GRIN2B: variants seen among roughly 807,000 people sequenced by gnomAD.
The protein encoded by GRIN2B is glutamate ionotropic receptor NMDA type subunit 2B, also known as glutamate receptor ionotropic, NMDA 2B.
Under a neutral mutation model 114.5 loss-of-function variants are expected in GRIN2B, and 5 were observed. The ratio of observed to expected loss-of-function variants is 0.04; its 90% CI spans 0.02 to 0.09. The LOEUF (loss-of-function observed/expected upper bound fraction) is 0.09, where lower values mean the gene tolerates loss of function less well. Among genes scored for constraint, GRIN2B ranks in the 10% least tolerant of loss-of-function variants. The pLI is 1.00. For synonymous variants in GRIN2B, 787 were observed against 745.1 expected, an observed-to-expected ratio of 1.06 and a Z score of -0.92; for missense variants, 1,108 against 1,943.5, an observed-to-expected ratio of 0.57 and a Z score of 8.08.
chr12:13,629,492 CA>C (rs1248349349), intron 5 of GRIN2B, among the ~76,000 whole-genome samples: 35 of 152,306 alleles, frequency 2.3e-4, no homozygotes, highest in African/African-American at 8.2e-4. Flanking sequence ...CTCTAAACTG[CA>C]CATCTGACTG....
chr12:13,833,183 G>C (rs1865184903), intron 3 of GRIN2B, among the ~76,000 whole-genome samples: 1 of 152,208 alleles, frequency 6.6e-6, no homozygotes, highest in Non-Finnish European at 1.5e-5. Flanking sequence ...AGTAGACAGA[G>C]GATGTAGACT....
intron 3 of GRIN2B, among the ~76,000 whole-genome samples, chr12:13,826,094 A>T (rs1865030869): frequency 6.6e-6 from 1 of 150,890 alleles, no homozygotes; most frequent in East Asian, 1.9e-4. Context: ...CACCATTATT[A>T]GCTATACTCC....
chr12:13,944,675 A>G (rs187497076), intron 2 of GRIN2B, among the ~76,000 whole-genome samples: 7 of 152,332 alleles, frequency 4.6e-5, no homozygotes, highest in Admixed American at 3.9e-4. Context: ...AAGTGCAACA[A>G]CTTGCCCAAG....
chr12:13,606,983 C>A (rs1949259461), intron 10 of GRIN2B, among the ~76,000 whole-genome samples: 1 of 148,800 alleles, frequency 6.7e-6, no homozygotes, highest in African/African-American at 2.5e-5. Context: ...AAACAGATAA[C>A]ACAAAGGGGT....
chr12:13,782,755 G>C (rs989278803), intron 3 of GRIN2B, among the ~76,000 whole-genome samples: 1 of 152,126 alleles, frequency 6.6e-6, no homozygotes, highest in African/African-American at 2.4e-5. Context: ...TCTAGACCCA[G>C]CTCACCCACA....
chr12:13,658,029 C>G (rs1183133165), intron 5 of GRIN2B, among the ~76,000 whole-genome samples: 2 of 151,958 alleles, frequency 1.3e-5, no homozygotes, highest in Non-Finnish European at 1.5e-5. Context: ...AACATGGAGA[C>G]ACCCTGTCTC....
intron 4 of GRIN2B, among the ~76,000 whole-genome samples, chr12:13,690,168 T>C (rs1251723602): frequency 6.6e-6 from 1 of 152,110 alleles, no homozygotes; most frequent in Non-Finnish European, 1.5e-5. Flanking sequence ...ATCTTGCTTG[T>C]GGTAAGTATT....
At chr12:13,610,166 T>C (rs1198842346) in intron 9 of GRIN2B, 1 of 152,186 alleles carries the variant, frequency 6.6e-6, no homozygotes, top group African/African-American at 2.4e-5. Flanking sequence ...CATCTGTGCG[T>C]GTGGACCTTA....
intron 5 of GRIN2B, among the ~76,000 whole-genome samples, chr12:13,651,786 A>G (rs1006739695): frequency 1.3e-5 from 2 of 152,124 alleles, no homozygotes; most frequent in Admixed American, 6.6e-5. Context: ...CGAAATGTCC[A>G]TGAGGTTTGA....
At chr12:13,571,027 T>C (rs1260376250) in intron 11 of GRIN2B, among the ~76,000 whole-genome samples, 1 of 152,220 alleles carries the variant, frequency 6.6e-6, no homozygotes, top group Non-Finnish European at 1.5e-5. Flanking sequence ...ACTGTATTTA[T>C]GGTGATAAAA....
chr12:13,907,301 G>T (rs1176782049), intron 2 of GRIN2B, among the ~76,000 whole-genome samples: 1 of 152,018 alleles, frequency 6.6e-6, no homozygotes, highest in Non-Finnish European at 1.5e-5. Flanking sequence ...GACCAGTCTG[G>T]CCAACATGGT....
intron 3 of GRIN2B, among the ~76,000 whole-genome samples, chr12:13,833,136 T>C (rs145324159): frequency 6.6e-6 from 1 of 152,322 alleles, no homozygotes; most frequent in African/African-American, 2.4e-5. Flanking sequence ...GCATGACATA[T>C]GATATGGTAT....
intron 3 of GRIN2B, among the ~76,000 whole-genome samples, chr12:13,834,693 G>T (rs1020905766): frequency 1.3e-5 from 2 of 152,180 alleles, no homozygotes; most frequent in African/African-American, 4.8e-5. Flanking sequence ...TTAAATCTGA[G>T]AATTTTGTGC....
At chr12:13,700,669 T>C (rs2136568170) in intron 4 of GRIN2B, among the ~76,000 whole-genome samples, 1 of 152,276 alleles carries the variant, frequency 6.6e-6, no homozygotes, top group Non-Finnish European at 1.5e-5. Context: ...TACCCCACCT[T>C]GGGAGTGGAT....
intron 5 of GRIN2B, among the ~76,000 whole-genome samples, chr12:13,626,208 GAC>G (rs1369253925): frequency 6.6e-6 from 1 of 152,164 alleles, no homozygotes; most frequent in Non-Finnish European, 1.5e-5. Context: ...GGACATGCAG[GAC>G]ACAGTGAGGA....
intron 4 of GRIN2B, among the ~76,000 whole-genome samples, chr12:13,692,739 A>G (rs1180331464): frequency 4.5e-5 from 3 of 67,156 alleles, no homozygotes; most frequent in Non-Finnish European, 3.3e-5. Context: ...ATCATTACTT[A>G]TTTTCATTAA....
chr12:13,738,753 C>T (rs1863227085), intron 4 of GRIN2B, among the ~76,000 whole-genome samples: 1 of 152,138 alleles, frequency 6.6e-6, no homozygotes, highest in Non-Finnish European at 1.5e-5. Context: ...TGACAGGAGA[C>T]TGGAGAACAG....
chr12:13,825,512 G>T (rs1013542712), intron 3 of GRIN2B, among the ~76,000 whole-genome samples: 20 of 143,868 alleles, frequency 1.4e-4, no homozygotes, highest in East Asian at 8.2e-4. Flanking sequence ...GTGTGTGTGT[G>T]TGTGTGTGTG....
chr12:13,821,485 T>C (rs1021757355), intron 3 of GRIN2B, among the ~76,000 whole-genome samples: 35 of 152,342 alleles, frequency 2.3e-4, no homozygotes, highest in Non-Finnish European at 1.0e-4. Flanking sequence ...GATGATCCCT[T>C]CCATCTTATC....
Sources: allele counts gnomAD v4.1 joint callset (sites outside exome capture counted in the v4.1 genomes callset), GRCh38; gene constraint gnomAD v4.1.1; transcripts MANE v1.5; gene names NCBI Gene and HGNC (gene_info 2026-07-23, HGNC 2026-07-21).